Variants in BRWD3 observed in about 807,000 individuals in gnomAD.
BRWD3 encodes bromodomain and WD repeat-containing protein 3.
In BRWD3, 10 loss-of-function variants were observed where a neutral mutation model predicts 149.7. The observed-to-expected ratio is 0.07, with a 90% CI of 0.04 to 0.11. BRWD3 has a LOEUF of 0.11. Among genes scored for constraint, BRWD3 ranks in the 10% least tolerant of loss-of-function variants. BRWD3 has a pLI of 1.00. For synonymous variants in BRWD3, 504 were observed against 456.7 expected, an observed-to-expected ratio of 1.10 and a Z score of -1.32; for missense variants, 940 against 1,373.2, an observed-to-expected ratio of 0.68 and a Z score of 4.99.
chrX:80,719,096 C>T (rs1376931212), intron 18 of BRWD3, among the ~76,000 whole-genome samples: 1 of 109,126 alleles, frequency 9.2e-6, no homozygotes, highest in Non-Finnish European at 1.9e-5. Context: ...GCATGGTATT[C>T]TGCTTTCCTC....
At chrX:80,795,463 A>C (rs2074228441) in intron 4 of BRWD3, among the ~76,000 whole-genome samples, 1 of 110,066 alleles carries the variant, frequency 9.1e-6, no homozygotes, top group South Asian at 3.8e-4. Context: ...GTATATGTAT[A>C]GATACCTATG....
At chrX:80,754,584 G>C (rs1215475659) in intron 6 of BRWD3, among the ~76,000 whole-genome samples, 4 of 112,191 alleles carry the variant, frequency 3.6e-5, no homozygotes, top group Non-Finnish European at 5.6e-5. Context: ...TCTTGCTCCA[G>C]TTCTTAGAAG....
In BRWD3 at chrX:80,723,868, G is replaced by A; in HGVS notation, c.1530C>T (p.Gly510=). 1 of 1,210,899 alleles carries A rather than the reference G, an allele frequency of 8.3e-7. No homozygotes were observed. Among genetic ancestry groups the A allele is most frequent in the Non-Finnish European group, 1.1e-6 (1 of 894,709 alleles). ...AATCAAACACCGCACCATGGCCTTGGCCTTCAATCTGAAATTCAGAGGAGT... is the reference window on the plus strand; with the variant it reads ...AATCAAACACCGCACCATGGCCTTGACCTTCAATCTGAAATTCAGAGGAGT... ...KIRNYFNMIE[G]QGHGAVFDCK... The change falls in exon 16 of 41, where the codon GGC becomes GGT. Residue 510 remains glycine (G), a synonymous_variant. Transcript: ENST00000373275.
intron 5 of BRWD3, among the ~76,000 whole-genome samples, chrX:80,792,827 A>G (rs776862744): frequency 9.0e-6 from 1 of 110,682 alleles, no homozygotes; most frequent in African/African-American, 3.3e-5. Flanking sequence ...CTTGGGAAAA[A>G]TCTGTAAAAC....
intron 27 of BRWD3, among the ~76,000 whole-genome samples, chrX:80,694,328 C>T (rs994845577): frequency 8.9e-6 from 1 of 111,861 alleles, no homozygotes; most frequent in Non-Finnish European, 1.9e-5. Context: ...CGGGGCAGAG[C>T]CCTCATGGAG....
intron 20 of BRWD3, chrX:80,710,125 T>C: frequency 3.4e-6 from 2 of 580,306 alleles, no homozygotes; most frequent in Non-Finnish European, 6.1e-6. Flanking sequence ...ACAAACATAT[T>C]GGTATCTCAA....
chrX:80,671,879 TTACTG>T lies in BRWD3; in HGVS notation c.*4725_*4729del, dbSNP rs2072326076. On this transcript the variant is annotated 3_prime_UTR_variant, in exon 41 of 41. Coordinates refer to ENST00000373275, the MANE Select transcript of BRWD3 (RefSeq NM_153252.5). ...ATAAGTTACAGGACAAAGAAATAAA[TTACTG>T]ATTGCCATCACCACAGTATTGTTTA... The T allele has an allele frequency of 8.9e-6, 1 of 111,862 alleles. No individual in the cohort carries two copies. The highest frequency in any genetic ancestry group is 3.7e-4 in the South Asian group (1 of 2,708). The allele number at this position is 111,862 out of a possible 1,213,427, so 9.2% of individuals were successfully genotyped here. A position where few individuals can be genotyped will look rare whatever the true frequency, so the allele number is the denominator to read the frequency against.
At position 80,680,793 on chromosome X, in the gene BRWD3, C is replaced by T. The variant is rs773734981; in HGVS notation, c.4654+548G>A. On this transcript the variant is annotated intron_variant, in intron 40 of 40. Coordinates refer to ENST00000373275, the MANE Select transcript of BRWD3 (RefSeq NM_153252.5). Reference sequence around the variant, plus strand: ...AAAGAACTCTTCATTTAGTTTTTTTCTCCCAATTCCTTTTATTTTATTTAT... The same window carrying T: ...AAAGAACTCTTCATTTAGTTTTTTTTTCCCAATTCCTTTTATTTTATTTAT... Among the ~76,000 whole-genome samples the T allele has an allele frequency of 5.5e-5, 6 of 109,640 alleles. No individual in the cohort carries two copies. In the East Asian group the frequency reaches 1.4e-3, roughly 26 times the overall value.
At chrX:80,695,154 C>T (rs756830519) in intron 27 of BRWD3, among the ~76,000 whole-genome samples, 1 of 111,739 alleles carries the variant, frequency 8.9e-6, no homozygotes, top group Admixed American at 9.5e-5. Flanking sequence ...CTGTCTCCTG[C>T]AGCCATATGA....
Position 80,753,920 on chromosome X carries a change from T to C in BRWD3, c.431-8191A>G, listed in dbSNP as rs763010501. On this transcript the variant is annotated intron_variant, in intron 6 of 40. Coordinates refer to ENST00000373275, the MANE Select transcript of BRWD3 (RefSeq NM_153252.5). ...ACCCGTACAATGCTGTTTTGGTTAC[T>C]AGAACCTTGCAATGTAATTTACATC... 2.7e-3 allele frequency among the ~76,000 whole-genome samples: 307 copies of C among 112,007 alleles called. 4 individuals carry two copies. The highest frequency in any genetic ancestry group is 9.2e-3 in the African/African-American group (283 of 30,883).
At chrX:80,726,811 A>G (rs1259775227) in intron 14 of BRWD3, among the ~76,000 whole-genome samples, 1 of 110,857 alleles carries the variant, frequency 9.0e-6, no homozygotes, top group Non-Finnish European at 1.9e-5. Context: ...CACAACTCAA[A>G]GTTTACCAAA....
intron 8 of BRWD3, among the ~76,000 whole-genome samples, chrX:80,743,069 C>T (rs1473308728): frequency 1.8e-5 from 2 of 111,666 alleles, no homozygotes; most frequent in Non-Finnish European, 3.8e-5. Flanking sequence ...AGATACATCC[C>T]ATGAATACCT....
At chrX:80,725,445 C>T (rs2073203328) in intron 14 of BRWD3, among the ~76,000 whole-genome samples, 1 of 111,959 alleles carries the variant, frequency 8.9e-6, no homozygotes. Flanking sequence ...ATCCAGCACT[C>T]TATTCTCTAT....
rs756068083 is a variant in BRWD3, at chrX:80,785,433, T to C, written c.430+6421A>G. ...ACACATGTATTTTAAAGTGTTACAG[T>C]AGTTAGTGTGGAGAATAGAATCTGG... is the stretch of plus-strand genomic sequence containing the variant. On this transcript the variant is annotated intron_variant, in intron 6 of 40. Transcript: ENST00000373275. Among the ~76,000 whole-genome samples, 240 of 112,320 alleles carry C rather than the reference T, an allele frequency of 2.1e-3. 1 individual carries two copies. Among genetic ancestry groups the C allele is most frequent in the African/African-American group, 7.5e-3 (231 of 30,929 alleles).
intron 6 of BRWD3, among the ~76,000 whole-genome samples, chrX:80,747,339 T>C (rs1459352752): frequency 1.8e-5 from 2 of 109,397 alleles, no homozygotes; most frequent in Admixed American, 2.0e-4. Context: ...TGCAGGGTGT[T>C]TTGCAGCATC....
chrX:80,771,624 A>G (rs1395736018), intron 6 of BRWD3, among the ~76,000 whole-genome samples: 1 of 111,813 alleles, frequency 8.9e-6, no homozygotes, highest in African/African-American at 3.3e-5. Context: ...AATGGGATCT[A>G]ATTAAACTAA....
At chrX:80,808,859 C>G (rs1049997671) in intron 3 of BRWD3, among the ~76,000 whole-genome samples, 154 bp downstream of exon 3, 2 of 108,517 alleles carry the variant, frequency 1.8e-5, no homozygotes, top group Non-Finnish European at 3.8e-5. Context: ...TTGTCTGCCC[C>G]TTTTGAGGGA....
In BRWD3 at chrX:80,715,291, G is replaced by A. The variant is rs754267603; in HGVS notation, c.2325+866C>T. Reference sequence around the variant, plus strand: ...TTAATTTCTTAACAATAAAAGTTAAGAAAGCAAACATCAAAATGATCTAAT... The same window carrying A: ...TTAATTTCTTAACAATAAAAGTTAAAAAAGCAAACATCAAAATGATCTAAT... On this transcript the variant is annotated intron_variant, in intron 20 of 40. Coordinates refer to ENST00000373275, the MANE Select transcript of BRWD3 (RefSeq NM_153252.5). Among the ~76,000 whole-genome samples the A allele has an allele frequency of 3.6e-5, 4 of 109,754 alleles. No homozygotes were observed. The East Asian group carries it at 8.6e-4, about 24-fold the overall frequency.
chrX:80,678,902 A>G (rs1364558240), intron 40 of BRWD3, among the ~76,000 whole-genome samples: 2 of 111,640 alleles, frequency 1.8e-5, no homozygotes, highest in East Asian at 5.7e-4. Context: ...GAGGTAATTA[A>G]GGTTAAATGA....
Sources: allele counts gnomAD v4.1 joint callset (sites outside exome capture counted in the v4.1 genomes callset), GRCh38; gene constraint gnomAD v4.1.1; transcripts MANE v1.5; gene names NCBI Gene and HGNC (gene_info 2026-07-23, HGNC 2026-07-21).